The following GORASP2 variants were observed in gnomAD, a reference collection of about 807,000 sequenced individuals.
GORASP2 encodes Golgi reassembly-stacking protein 2.
A neutral mutation model predicts 45.7 loss-of-function variants in GORASP2; 22 were observed. That is an observed-to-expected ratio of 0.48 (90% CI 0.34 to 0.69). The LOEUF (loss-of-function observed/expected upper bound fraction) is 0.69. GORASP2 is among the 30% of genes least tolerant of loss of function. The pLI is 0.01. For synonymous variants in GORASP2, 221 were observed against 215.6 expected (o/e 1.02, Z -0.22); for missense variants, 491 against 562.7 (o/e 0.87, Z 1.29).
intron 1 of GORASP2, chr2:170,929,964 G>C (rs74357071): frequency 2.9e-6 from 1 of 342,594 alleles, no homozygotes. Flanking sequence ...GACTTAAACA[G>C]ACTTGATTTT....
At chr2:170,959,380 A>G (rs1467471849) in intron 7 of GORASP2, among the ~76,000 whole-genome samples, 1 of 152,246 alleles carries the variant, frequency 6.6e-6, no homozygotes, top group Non-Finnish European at 1.5e-5. Flanking sequence ...TCTGATAAAC[A>G]CATGCACGGA....
chr2:170,945,182 T>C (rs913609862), intron 1 of GORASP2, among the ~76,000 whole-genome samples: 77 of 152,078 alleles, frequency 5.1e-4, no homozygotes, highest in African/African-American at 1.9e-3. Context: ...AACTAAAAGC[T>C]GGGTATGGTG....
At chr2:170,944,043 A>C (rs2676155) in intron 1 of GORASP2, among the ~76,000 whole-genome samples, 4,978 of 152,260 alleles carry the variant, frequency 0.033, 285 homozygotes, top group African/African-American at 0.11. Flanking sequence ...CCAGTAATAA[A>C]TGTTAAATGG....
intron 7 of GORASP2, among the ~76,000 whole-genome samples, chr2:170,959,988 A>G (rs1704517530): frequency 6.6e-6 from 1 of 151,534 alleles, no homozygotes. Context: ...TGCCCAGTTA[A>G]TTTTGTATTT....
intron 1 of GORASP2, chr2:170,936,756 C>G (rs748838123): frequency 6.8e-5 from 43 of 631,396 alleles, no homozygotes; most frequent in Non-Finnish European, 9.1e-5. Context: ...AGTTTAAGAC[C>G]ACGCTGGGCA....
At position 170,965,855 on chromosome 2, in the gene GORASP2, T is replaced by G; in HGVS notation, c.1084T>G (p.Ser362Ala). The change falls in exon 10 of 10, where the codon TCC becomes GCC. Residue 362 changes from serine to alanine, a missense_variant. Physicochemically the swap from Ser to Ala is moderately conservative, Grantham distance 99 (BLOSUM62 1). Coordinates refer to ENST00000234160, the MANE Select transcript of GORASP2 (RefSeq NM_015530.5). Reference sequence around the variant, plus strand: ...TGGCATTGCACCTCTCCCCCTGCCATCCGAGTTCCTCCCGTCATTCCCCTT... The same window carrying G: ...TGGCATTGCACCTCTCCCCCTGCCAGCCGAGTTCCTCCCGTCATTCCCCTT... ...LPGIAPLPLP[S>A]EFLPSFPLVP... The G allele has an allele frequency of 6.2e-7, 1 of 1,614,036 alleles. No individual in the cohort carries two copies. The highest frequency in any genetic ancestry group is 8.5e-7 in the Non-Finnish European group (1 of 1,180,004).
At chr2:170,961,626 A>G (rs1704563452) in intron 7 of GORASP2, 37 bp from the exon 8 acceptor site, 1 of 1,095,666 alleles carries the variant, frequency 9.1e-7, no homozygotes, top group Admixed American at 1.7e-5. Flanking sequence ...TGTCGACTAA[A>G]TTTGTTAGAA....
intron 7 of GORASP2, among the ~76,000 whole-genome samples, chr2:170,956,919 T>A (rs1704438887): frequency 6.6e-6 from 1 of 152,048 alleles, no homozygotes. Context: ...TAAAGAATTT[T>A]AAAAAATTAT....
rs202057867 is a variant in GORASP2 at position 170,961,678 on chromosome 2, C to T, written c.839C>T (p.Pro280Leu). The change falls in exon 8 of 10, where the codon CCG becomes CTG. Residue 280 changes from proline (P) to leucine (L), a missense_variant. Around this residue, in one of 2 missense-constraint regions of GORASP2, gnomAD observed 297 missense variants for 292.3 expected, o/e 1.02. Coordinates refer to ENST00000234160, the MANE Select transcript of GORASP2 (RefSeq NM_015530.5). ...TTCTTTTTAGGTGTACCAACAGTACCGTTATTGCCACCACAAGTAAACCAG... is the reference window on the plus strand; with the variant it reads ...TTCTTTTTAGGTGTACCAACAGTACTGTTATTGCCACCACAAGTAAACCAG... ...SVLSTGVPTV[P>L]LLPPQVNQSL... is the part of the protein sequence containing the mutation. 15 of 1,573,620 alleles carry T rather than the reference C, an allele frequency of 9.5e-6. No individual in the cohort carries two copies. Among genetic ancestry groups the T allele is most frequent in the African/African-American group, 1.3e-5 (1 of 74,222 alleles).
At chr2:170,959,032 C>G (rs1704492527) in intron 7 of GORASP2, among the ~76,000 whole-genome samples, 1 of 151,760 alleles carries the variant, frequency 6.6e-6, no homozygotes. Flanking sequence ...GCTATCTCAG[C>G]TCACTGCAAC....
chr2:170,929,686 A>C lies in GORASP2; in HGVS notation c.63+283A>C, dbSNP rs1703769268. 4.5e-5 allele frequency: 29 copies of C among 637,628 alleles called. No homozygotes were observed. In the East Asian group the frequency reaches 9.1e-4, roughly 20 times the overall value. 39.5% of individuals were successfully genotyped at this position (637,628 alleles called of 1,614,324 possible). On this transcript the variant is annotated intron_variant, in intron 1 of 9. Transcript: ENST00000234160. ...GGGGCGGCCCTGGGAAGGGGGGACA[A>C]CCTTGCTCTTTTTCCGCACGGCCTT... is the stretch of plus-strand genomic sequence containing the variant.
At chr2:170,955,431 AAG>A (rs1347630240) in intron 6 of GORASP2, among the ~76,000 whole-genome samples, 1 of 152,264 alleles carries the variant, frequency 6.6e-6, no homozygotes, top group Non-Finnish European at 1.5e-5. Flanking sequence ...TTTAAGGAAT[AAG>A]AGATACTTGA....
intron 7 of GORASP2, among the ~76,000 whole-genome samples, chr2:170,958,094 T>C (rs953084661): frequency 1.3e-5 from 2 of 152,230 alleles, no homozygotes; most frequent in Non-Finnish European, 2.9e-5. Flanking sequence ...GTGTCTAGAA[T>C]TGGTCTCCTA....
chr2:170,951,470 T>C lies in GORASP2; in HGVS notation c.566+12T>C, dbSNP rs776296332. ...GGTGGAGAAGGCAGGTAAGGTCATT[T>C]TTTAGACTAAGTTATGACTGCTTAA... is the stretch of plus-strand genomic sequence containing the variant. On this transcript the variant is annotated intron_variant, in intron 5 of 9. Coordinates refer to ENST00000234160, the MANE Select transcript of GORASP2 (RefSeq NM_015530.5). The C allele has an allele frequency of 5.6e-6, 9 of 1,597,192 alleles. No individual in the cohort carries two copies. The highest frequency in any genetic ancestry group is 7.7e-6 in the Non-Finnish European group (9 of 1,171,670).
chr2:170,946,998 A>G (rs1033080523), intron 1 of GORASP2, among the ~76,000 whole-genome samples: 1 of 152,176 alleles, frequency 6.6e-6, no homozygotes, highest in African/African-American at 2.4e-5. Context: ...TTAGGCAGCT[A>G]TGGAATCATA....
At position 170,960,564 on chromosome 2, in the gene GORASP2, C is replaced by T. The variant is rs117340929; in HGVS notation, c.824-1099C>T. The stretch of plus-strand genomic sequence containing the variant: ...GGGAAAGAGAAGAAATTGGCTTAAC[C>T]AATCCAAGCTGCTTTTGTTTTCTTA... On this transcript the variant is annotated intron_variant, in intron 7 of 9. Coordinates refer to ENST00000234160, the MANE Select transcript of GORASP2 (RefSeq NM_015530.5). Among the ~76,000 whole-genome samples the T allele has an allele frequency of 6.3e-4, 96 of 152,272 alleles. 1 individual carries two copies. The East Asian group carries it at 0.017, about 27-fold the overall frequency.
chr2:170,965,744 C>T (rs1191257858), intron 9 of GORASP2, 46 bp from the exon 10 acceptor site: 4 of 1,310,616 alleles, frequency 3.1e-6, no homozygotes, highest in Non-Finnish European at 3.3e-6. Flanking sequence ...GCCTGCTGTC[C>T]TTTCAGTGCT....
chr2:170,957,319 C>T (rs962056883), intron 7 of GORASP2, among the ~76,000 whole-genome samples: 4 of 151,950 alleles, frequency 2.6e-5, no homozygotes, highest in African/African-American at 9.7e-5. Context: ...TCTTTTTGCC[C>T]AGGCCGGAGT....
intron 1 of GORASP2, among the ~76,000 whole-genome samples, chr2:170,932,394 C>T (rs1335465095): frequency 1.3e-5 from 2 of 152,304 alleles, no homozygotes; most frequent in Admixed American, 6.5e-5. Context: ...AGTTAGCTCA[C>T]GGTAGTCTTT....
Sources: allele counts gnomAD v4.1 joint callset (sites outside exome capture counted in the v4.1 genomes callset), GRCh38; gene constraint gnomAD v4.1.1; regional missense constraint gnomAD v4.1.1; transcripts MANE v1.5; gene names NCBI Gene and HGNC (gene_info 2026-07-23, HGNC 2026-07-21).